Variants in FHIT observed in about 807,000 individuals in gnomAD.
FHIT encodes bis(5'-adenosyl)-triphosphatase.
In FHIT, 19 loss-of-function variants were observed where a neutral mutation model predicts 17.9. The ratio of observed to expected loss-of-function variants is 1.06; its 90% CI spans 0.74 to 1.56. FHIT has a LOEUF of 1.56. FHIT is among the 40% of genes most tolerant of loss of function. The pLI is 0.00. For missense variants in FHIT, 248 were observed against 189.2 expected, an observed-to-expected ratio of 1.31 and a Z score of -1.82; for synonymous variants, 81 against 69.7, an observed-to-expected ratio of 1.16 and a Z score of -0.81.
chr3:60,042,784 A>T (rs939988396), intron 5 of FHIT, among the ~76,000 whole-genome samples: 15 of 152,158 alleles, frequency 9.9e-5, no homozygotes, highest in Non-Finnish European at 2.1e-4. Flanking sequence ...AAAAAAAAAG[A>T]TATTAATGTT....
rs1439607599 is a variant in FHIT, at chr3:59,886,430, GAGA to G, written c.348+35913_348+35915del. Reference sequence around the variant, plus strand: ...TACCTGAGGCTGGGTAATTCAAGAAGAGAAGAAGGTTTATCTGGCTTATAGTTC... The same window carrying G: ...TACCTGAGGCTGGGTAATTCAAGAAGAGAAGGTTTATCTGGCTTATAGTTC... On this transcript the variant is annotated intron_variant, in intron 8 of 9. Transcript: ENST00000492590. 5.9e-5 allele frequency: 9 copies of G among 152,294 alleles called. No individual in the cohort carries two copies. The East Asian group carries it at 7.7e-4, about 13-fold the overall frequency. The allele number at this position is 152,294 out of a possible 1,614,324, so 9.4% of individuals were successfully genotyped here.
At chr3:59,752,436 G>GTATC (rs906099863) in intron 8 of FHIT, 115 bp from the exon 9 acceptor site, 3 of 624,182 alleles carry the variant, frequency 4.8e-6, no homozygotes, top group Admixed American at 2.9e-5. Context: ...GCCAGTAGGT[G>GTATC]TATCTTTTAA....
chr3:61,129,568 G>C (rs550890681), intron 2 of FHIT, among the ~76,000 whole-genome samples: 49 of 152,254 alleles, frequency 3.2e-4, no homozygotes, highest in African/African-American at 1.1e-3. Flanking sequence ...GATCAATTTG[G>C]TTAATAACCT....
At chr3:60,190,896 T>C (rs1576282209) in intron 5 of FHIT, among the ~76,000 whole-genome samples, 1 of 152,070 alleles carries the variant, frequency 6.6e-6, no homozygotes, top group East Asian at 1.9e-4. Context: ...TGAGCCGAGA[T>C]TGCACCCTTG....
chr3:61,031,956 C>T (rs1356427186), intron 3 of FHIT, among the ~76,000 whole-genome samples: 1 of 152,212 alleles, frequency 6.6e-6, no homozygotes, highest in Non-Finnish European at 1.5e-5. Flanking sequence ...TCATTGGGAA[C>T]TAACTGCTCA....
chr3:60,248,770 C>T (rs900108033), intron 5 of FHIT, among the ~76,000 whole-genome samples: 1 of 152,114 alleles, frequency 6.6e-6, no homozygotes, highest in African/African-American at 2.4e-5. Context: ...GCTAAAGGCA[C>T]TTAAAAAACA....
intron 5 of FHIT, among the ~76,000 whole-genome samples, chr3:60,158,954 A>C (rs75491849): frequency 0.019 from 2,932 of 152,210 alleles, 42 homozygotes; most frequent in Non-Finnish European, 0.029. Flanking sequence ...CAAAGAACCC[A>C]ACTTCACCTC....
chr3:60,081,578 T>C (rs1273316018), intron 5 of FHIT, among the ~76,000 whole-genome samples: 1 of 152,154 alleles, frequency 6.6e-6, no homozygotes, highest in Non-Finnish European at 1.5e-5. Context: ...CCTACCCAAT[T>C]ATTAACTATG....
intron 7 of FHIT, among the ~76,000 whole-genome samples, chr3:59,989,336 A>G (rs996418907): frequency 6.6e-6 from 1 of 151,966 alleles, no homozygotes; most frequent in Non-Finnish European, 1.5e-5. Flanking sequence ...CTTCCCCCAC[A>G]CATTAGGACT....
At chr3:60,333,404 A>C (rs547486001) in intron 5 of FHIT, among the ~76,000 whole-genome samples, 3 of 152,204 alleles carry the variant, frequency 2.0e-5, no homozygotes, top group Non-Finnish European at 4.4e-5. Flanking sequence ...GTTTACACTA[A>C]AAACTCCACA....
intron 5 of FHIT, among the ~76,000 whole-genome samples, chr3:60,235,996 T>G (rs1395377820): frequency 6.6e-6 from 1 of 152,116 alleles, no homozygotes; most frequent in Non-Finnish European, 1.5e-5. Context: ...TCTAGCTATC[T>G]GGGTCTGCTT....
At chr3:60,775,671 A>G (rs1234707487) in intron 4 of FHIT, among the ~76,000 whole-genome samples, 1 of 152,074 alleles carries the variant, frequency 6.6e-6, no homozygotes, top group Admixed American at 6.5e-5. Context: ...TGAGATGCAA[A>G]CCAATAATTC....
intron 5 of FHIT, among the ~76,000 whole-genome samples, chr3:60,337,873 G>C (rs1189098912): frequency 6.6e-6 from 1 of 152,078 alleles, no homozygotes; most frequent in African/African-American, 2.4e-5. Context: ...CTGGTCACTG[G>C]GTACAATCAA....
At chr3:60,022,500 C>T (rs1031510700) in intron 5 of FHIT, among the ~76,000 whole-genome samples, 1 of 152,208 alleles carries the variant, frequency 6.6e-6, no homozygotes, top group Non-Finnish European at 1.5e-5. Context: ...ATTTCCTTCA[C>T]CAAGACAGGC....
chr3:60,342,034 C>A (rs1426387528), intron 5 of FHIT, among the ~76,000 whole-genome samples: 3 of 152,104 alleles, frequency 2.0e-5, no homozygotes, highest in Non-Finnish European at 2.9e-5. Flanking sequence ...AGAGGGGATC[C>A]TGCTAACAGG....
chr3:60,425,177 G>A (rs1051546112), intron 5 of FHIT, among the ~76,000 whole-genome samples: 1 of 152,094 alleles, frequency 6.6e-6, no homozygotes, highest in Non-Finnish European at 1.5e-5. Flanking sequence ...AGGAGGGGAT[G>A]GGAAATGTCA....
chr3:60,073,916 T>G (rs1007769100), intron 5 of FHIT, among the ~76,000 whole-genome samples: 1 of 152,180 alleles, frequency 6.6e-6, no homozygotes, highest in African/African-American at 2.4e-5. Context: ...TGAAGTAAAT[T>G]AGATTGTTGT....
chr3:60,240,538 T>C (rs1705071666), intron 5 of FHIT, among the ~76,000 whole-genome samples: 1 of 152,104 alleles, frequency 6.6e-6, no homozygotes, highest in Non-Finnish European at 1.5e-5. Context: ...AGAAAAAACA[T>C]CACGGAAGCA....
At chr3:61,006,953 T>C (rs1464586082) in intron 3 of FHIT, among the ~76,000 whole-genome samples, 1 of 152,198 alleles carries the variant, frequency 6.6e-6, no homozygotes, top group African/African-American at 2.4e-5. Flanking sequence ...ATATATTCTT[T>C]GCAGTTTGAG....
Sources: gnomAD v4.1 joint callset for allele counts (sites outside exome capture counted in the v4.1 genomes callset) on GRCh38, gnomAD v4.1.1 for gene constraint, MANE v1.5 for transcripts, NCBI Gene and HGNC (gene_info 2026-07-23, HGNC 2026-07-21) for gene names.